Variants in MRE11 observed in about 807,000 individuals in gnomAD.
MRE11 encodes MRE11 double strand break repair nuclease.
A neutral mutation model predicts 91.7 loss-of-function variants in MRE11; 62 were observed. That is an observed-to-expected ratio of 0.68 (90% confidence interval 0.55 to 0.84). The LOEUF (loss-of-function observed/expected upper bound fraction) is 0.84. Among genes scored for constraint, MRE11 ranks in the 40% least tolerant of loss-of-function variants. The pLI is 0.00. For missense variants in MRE11, 796 were observed against 852.9 expected (o/e 0.93, Z 0.83); for synonymous variants, 273 against 271.4 (o/e 1.01, Z -0.06).
chr11:94,436,773 T>C (rs1945629981), intron 17 of MRE11, among the ~76,000 whole-genome samples: 1 of 152,220 alleles, frequency 6.6e-6, no homozygotes, highest in Non-Finnish European at 1.5e-5. Context: ...GCCTTTTCAT[T>C]CATCTTAAGT....
At chr11:94,445,303 T>TTTTTG (rs1220644428) in intron 16 of MRE11, among the ~76,000 whole-genome samples, 1 of 152,178 alleles carries the variant, frequency 6.6e-6, no homozygotes, top group African/African-American at 2.4e-5. Flanking sequence ...TAAAACATAA[T>TTTTTG]TTTTGTTTTG....
At chr11:94,452,445 C>T (rs890384043) in intron 14 of MRE11, among the ~76,000 whole-genome samples, 6 of 152,136 alleles carry the variant, frequency 3.9e-5, no homozygotes, top group Admixed American at 3.3e-4. Flanking sequence ...GAAACAAGCA[C>T]TCCCAAATAC....
chr11:94,458,412 T>C (rs1946319518), intron 13 of MRE11, among the ~76,000 whole-genome samples: 1 of 152,094 alleles, frequency 6.6e-6, no homozygotes, highest in Non-Finnish European at 1.5e-5. Context: ...TAACATTAGA[T>C]TAGAAATATC....
At chr11:94,464,448 T>C (rs1048142885) in intron 10 of MRE11, among the ~76,000 whole-genome samples, 2 of 152,176 alleles carry the variant, frequency 1.3e-5, no homozygotes, top group Non-Finnish European at 2.9e-5. Flanking sequence ...GCAAAATACT[T>C]TGTTCGATGG....
chr11:94,418,775 G>C lies in MRE11; in HGVS notation c.*1350C>G, dbSNP rs1256384547. ...TGTTACTTGCTCAAATAACCCTTAT[G>C]CTCAAGTTAGGTACAGAAAAAATAT... is the stretch of plus-strand genomic sequence containing the variant. On this transcript the variant is annotated 3_prime_UTR_variant, in exon 20 of 20. Transcript: ENST00000323929. 1 of 232,022 alleles carries C rather than the reference G, an allele frequency of 4.3e-6. No individual in the cohort carries two copies. Among genetic ancestry groups the C allele is most frequent in the African/African-American group, 2.2e-5 (1 of 45,304 alleles). 14.4% of individuals were successfully genotyped at this position (232,022 alleles called of 1,614,324 possible). A position where few individuals can be genotyped will look rare whatever the true frequency, so the allele number is the denominator to read the frequency against.
chr11:94,509,491 G>A, the MRE11 span, among the ~76,000 whole-genome samples: 1 of 151,930 alleles, frequency 6.6e-6, no homozygotes, highest in Non-Finnish European at 1.5e-5. Flanking sequence ...TTGCCAGGCT[G>A]GAGTGCAGTG....
intron 14 of MRE11, among the ~76,000 whole-genome samples, chr11:94,449,523 T>C (rs604845): frequency 0.66 from 100,353 of 152,110 alleles, 33,271 homozygotes; most frequent in South Asian, 0.77. Context: ...CTGACACACA[T>C]ATTCCCAGCT....
At chr11:94,478,049 AG>A (rs1260582936) in intron 6 of MRE11, among the ~76,000 whole-genome samples, 1 of 152,152 alleles carries the variant, frequency 6.6e-6, no homozygotes, top group Non-Finnish European at 1.5e-5. Flanking sequence ...GGGGACAGGG[AG>A]GGGTGCAGGG....
At chr11:94,447,510 A>G in intron 14 of MRE11, 72 bp from the exon 15 acceptor site, 31 of 1,404,010 alleles carry the variant, frequency 2.2e-5, no homozygotes, top group Non-Finnish European at 3.1e-5. Flanking sequence ...TAATTTAGGC[A>G]TTGACATGAA....
intron 13 of MRE11, among the ~76,000 whole-genome samples, chr11:94,458,053 T>C (rs1270194815): frequency 1.3e-5 from 2 of 152,088 alleles, no homozygotes; most frequent in Non-Finnish European, 2.9e-5. Context: ...ATAGAGTGAA[T>C]GGTTTTAGAG....
intron 4 of MRE11, among the ~76,000 whole-genome samples, chr11:94,485,211 G>A (rs553970398): frequency 6.6e-6 from 1 of 151,712 alleles, no homozygotes; most frequent in Non-Finnish European, 1.5e-5. Flanking sequence ...CCAAGCTCAT[G>A]CCACTGTACT....
chr11:94,436,208 A>C (rs530585837), intron 17 of MRE11, among the ~76,000 whole-genome samples: 16 of 152,248 alleles, frequency 1.1e-4, no homozygotes, highest in African/African-American at 3.9e-4. Context: ...CTTTCCTCTT[A>C]GTTTCTTATG....
chr11:94,437,537 C>T (rs1008154752), intron 16 of MRE11, among the ~76,000 whole-genome samples: 1 of 152,256 alleles, frequency 6.6e-6, no homozygotes, highest in East Asian at 1.9e-4. Context: ...AATCACCTAA[C>T]CAAATGAACT....
At chr11:94,440,562 G>A (rs150994798) in intron 16 of MRE11, among the ~76,000 whole-genome samples, 11 of 152,240 alleles carry the variant, frequency 7.2e-5, no homozygotes, top group African/African-American at 2.2e-4. Flanking sequence ...CTTTTCAATT[G>A]GGAAAATGTT....
chr11:94,500,732 A>G, the MRE11 span, among the ~76,000 whole-genome samples: 1 of 152,166 alleles, frequency 6.6e-6, no homozygotes, highest in South Asian at 2.1e-4. Context: ...ATGCTTTTCC[A>G]GGGAGCCTTC....
intron 3 of MRE11, among the ~76,000 whole-genome samples, chr11:94,486,433 T>C (rs887502653): frequency 6.6e-6 from 1 of 152,252 alleles, no homozygotes; most frequent in Non-Finnish European, 1.5e-5. Flanking sequence ...ATTCATTTAA[T>C]TCATTCAGCA....
At chr11:94,501,812 CTTG>C in the MRE11 span, among the ~76,000 whole-genome samples, 2 of 151,478 alleles carry the variant, frequency 1.3e-5, no homozygotes, top group Non-Finnish European at 2.9e-5. Context: ...TAATATCTAT[CTTG>C]TTGTAGGCTA....
At chr11:94,429,042 C>CGCCT (rs1367038412) in intron 19 of MRE11, among the ~76,000 whole-genome samples, 2 of 152,020 alleles carry the variant, frequency 1.3e-5, no homozygotes, top group Non-Finnish European at 2.9e-5. Context: ...AGGACATGAA[C>CGCCT]AGGCACATTA....
chr11:94,419,465 G>GGGGAGAGAGAGAGAGAGAGA lies in MRE11; in HGVS notation c.*659_*660insTCTCTCTCTCTCTCTCTCCC, dbSNP rs373002609. On this transcript the variant is annotated 3_prime_UTR_variant, in exon 20 of 20. Transcript: ENST00000323929. The stretch of plus-strand genomic sequence containing the variant: ...GAAGAGTGGGGAACGGGGGGGAGAG[G>GGGGAGAGAGAGAGAGAGAGA]GAGAGAGAGAGAGAGAGAGAGAGAG... 169 of 216,372 alleles carry GGGGAGAGAGAGAGAGAGAGA rather than the reference G, an allele frequency of 7.8e-4. 2 individuals carry two copies. The highest frequency in any genetic ancestry group is 2.3e-3 in the South Asian group (11 of 4,848). 13.4% of individuals were successfully genotyped at this position (216,372 alleles called of 1,614,324 possible).
Sources: allele counts gnomAD v4.1 joint callset (sites outside exome capture counted in the v4.1 genomes callset), GRCh38; gene constraint gnomAD v4.1.1; transcripts MANE v1.5; gene names NCBI Gene and HGNC (gene_info 2026-07-23, HGNC 2026-07-21).